The following TBXT variants were observed in gnomAD, a reference collection of about 807,000 sequenced individuals.
TBXT encodes T-box transcription factor T, also known as T brachyury transcription factor.
A neutral mutation model predicts 41.1 loss-of-function variants in TBXT; 19 were observed. That is an observed-to-expected ratio of 0.46 (90% CI 0.32 to 0.68). The LOEUF (loss-of-function observed/expected upper bound fraction) is 0.68. TBXT is among the 30% of genes least tolerant of loss of function. TBXT has a pLI of 0.03. For missense variants in TBXT, 536 were observed against 582.0 expected (o/e 0.92, Z 0.81); for synonymous variants, 213 against 238.9 (o/e 0.89, Z 1.00).
chr6:166,163,753 G>A lies in TBXT; in HGVS notation c.730+852C>T, dbSNP rs555077682. ...AACCCCTAGCGGGACAACTACTGTG[G>A]CTTCAATTTCCAAACTACTAACAAT... On this transcript the variant is annotated intron_variant, in intron 5 of 7. Transcript: ENST00000366876. 1.1e-4 allele frequency among the ~76,000 whole-genome samples: 17 copies of A among 152,328 alleles called. No individual in the cohort carries two copies. The East Asian group carries it at 3.3e-3, about 29-fold the overall frequency.
intron 6 of TBXT, among the ~76,000 whole-genome samples, chr6:166,161,853 G>T (rs1467380342): frequency 6.6e-6 from 1 of 152,226 alleles, no homozygotes; most frequent in South Asian, 2.1e-4. Context: ...AACCCGAGAG[G>T]CGGAGCTTGC....
chr6:166,164,400 T>A (rs1318038895), intron 5 of TBXT, among the ~76,000 whole-genome samples: 1 of 151,882 alleles, frequency 6.6e-6, no homozygotes, highest in Admixed American at 6.6e-5. Context: ...CCCAGGAGAG[T>A]ATCCACAGCC....
In TBXT at chr6:166,157,868, C is replaced by A. The variant is rs1484156876; in HGVS notation, c.*447G>T. On this transcript the variant is annotated 3_prime_UTR_variant, in exon 8 of 8. Coordinates refer to ENST00000366876, the MANE Select transcript of TBXT (RefSeq NM_001366285.2). ...AACTATGATTTTATTCTGTCCTTAA[C>A]AGCTCAACTCTAACTACTTGAAAGC... 1 of 258,902 alleles carries A rather than the reference C, an allele frequency of 3.9e-6. No homozygotes were observed. The highest frequency in any genetic ancestry group is 7.6e-6 in the Non-Finnish European group (1 of 131,532). 16.0% of individuals were successfully genotyped at this position (258,902 alleles called of 1,614,324 possible). A position where few individuals can be genotyped will look rare whatever the true frequency, so the allele number is the denominator to read the frequency against.
At chr6:166,167,915 C>A, upstream of TBXT, 2 of 432,054 alleles carry the variant, frequency 4.6e-6, no homozygotes, top group South Asian at 4.7e-5. Context: ...GGGTGCTCGG[C>A]GGATTGGGCC....
At position 166,167,453 on chromosome 6, in the gene TBXT, C is replaced by A; in HGVS notation, c.139G>T (p.Glu47Ter). ...AAGCGCAGCCACAGCTCGCTCTCCT[C>A]CAGGCCCACGCGCAGTTCGCGCTCT... ...PTERELRVGLEESELWLRFKE... is the reference protein window; with the variant it reads ...PTERELRVGL Residue 47 changes from glutamate (E) to a stop codon, truncating the protein, a stop_gained, in exon 1 of 8, where the codon GAG becomes TAG. Transcript: ENST00000366876. LOFTEE classifies it high-confidence loss of function. 1 of 1,613,056 alleles carries A rather than the reference C, an allele frequency of 6.2e-7. No individual in the cohort carries two copies.
rs774657641 is a variant in TBXT at position 166,158,553 on chromosome 6, G to A, written c.1073C>T (p.Ala358Val). The A allele has an allele frequency of 1.9e-6, 3 of 1,587,482 alleles. No homozygotes were observed. Among genetic ancestry groups the A allele is most frequent in the African/African-American group, 1.3e-5 (1 of 74,598 alleles). The change falls in exon 8 of 8, where the codon GCC becomes GTC. Residue 358 changes from alanine to valine, a missense_variant. Ala to Val is a moderately conservative substitution (Grantham distance 64). Transcript: ENST00000366876. ...YPSLWSVSNG[A>V]VTPGSQAAAV... ...TGCTGCCTGGGAGCCCGGGGTGACG[G>A]CGCCGTTGCTCACAGACCACAGGCT...
Position 166,167,411 on chromosome 6 carries a change from C to G in TBXT, c.181G>C (p.Glu61Gln). Reference protein sequence around the residue: ...LWLRFKELTNEMIVTKNGRRM... With the variant: ...LWLRFKELTNQMIVTKNGRRM... ...CTGCCGTTCTTGGTCACGATCATCT[C>G]ATTGGTGAGCTCCTTGAAGCGCAGC... Residue 61 changes from glutamate (E) to glutamine (Q), a missense_variant, in exon 1 of 8, where the codon GAG becomes CAG. Coordinates refer to ENST00000366876, the MANE Select transcript of TBXT (RefSeq NM_001366285.2). 6.2e-7 allele frequency: 1 copy of G among 1,613,212 alleles called. No homozygotes were observed. The highest frequency in any genetic ancestry group is 8.5e-7 in the Non-Finnish European group (1 of 1,179,936).
At chr6:166,160,634 G>T (rs951322426) in intron 7 of TBXT, among the ~76,000 whole-genome samples, 1 of 152,102 alleles carries the variant, frequency 6.6e-6, no homozygotes, top group Non-Finnish European at 1.5e-5. Context: ...TCCTTCCAGC[G>T]AACAGACTGC....
intron 2 of TBXT, among the ~76,000 whole-genome samples, chr6:166,166,267 G>A (rs1779106489): frequency 6.6e-6 from 1 of 151,960 alleles, no homozygotes; most frequent in South Asian, 2.1e-4. Flanking sequence ...AAGTACTGTG[G>A]CGCATGTTTA....
At chr6:166,167,254 A>T in intron 1 of TBXT, 132 bp downstream of exon 1, 1 of 1,052,234 alleles carries the variant, frequency 9.5e-7, no homozygotes, top group Non-Finnish European at 1.4e-6. Flanking sequence ...CGAGGGAGTT[A>T]ACCAGAGCGG....
Position 166,167,708 on chromosome 6 carries a change from C to T in TBXT, c.-117G>A, listed in dbSNP as rs1461164098. On this transcript the variant is annotated 5_prime_UTR_variant, in exon 1 of 8. Coordinates refer to ENST00000366876, the MANE Select transcript of TBXT (RefSeq NM_001366285.2). ...GAAAAGGGGCCCCTTGGACCGAGAC[C>T]TGCGACGGCTCCCGGGTCCCGGGTC... 4 of 1,361,570 alleles carry T rather than the reference C, an allele frequency of 2.9e-6. No homozygotes were observed. The highest frequency in any genetic ancestry group is 4.0e-6 in the Non-Finnish European group (4 of 996,914). The allele number at this position is 1,361,570 out of a possible 1,614,324, so 84.3% of individuals were successfully genotyped here. A position where few individuals can be genotyped will look rare whatever the true frequency, so the allele number is the denominator to read the frequency against.
In TBXT at chr6:166,164,601, G is replaced by C. The variant is rs569879300; in HGVS notation, c.730+4C>G. The C allele has an allele frequency of 6.2e-7, 1 of 1,613,828 alleles. No homozygotes were observed. Among genetic ancestry groups the C allele is most frequent in the Admixed American group, 1.7e-5 (1 of 60,012 alleles). On this transcript the variant is annotated splice_donor_region_variant and intron_variant, in intron 5 of 7. Transcript: ENST00000366876. ...ATGACATGACAGAGTGCAACAAACC[G>C]TACATTGGGAGTACCCAGGTTGCTG...
At chr6:166,164,581 A>C in intron 5 of TBXT, 24 bp downstream of exon 5, 1 of 1,613,992 alleles carries the variant, frequency 6.2e-7, no homozygotes, top group Non-Finnish European at 8.5e-7. Flanking sequence ...GCAGAATGAC[A>C]TGACAGAGTG....
Position 166,167,523 on chromosome 6 carries a change from G to T in TBXT, c.69C>A (p.Ala23=). 6.2e-7 allele frequency: 1 copy of T among 1,603,744 alleles called. No individual in the cohort carries two copies. ...TGCCCGCCTGCAGCTCATTCTCCAC[G>T]GCGCTCAGCAGGTGGTCCACTCGGT... The part of the protein sequence containing the change: ...LQYRVDHLLS[A]VENELQAGSE... Residue 23 remains alanine (A), a synonymous_variant, in exon 1 of 8, where the codon GCC becomes GCA. Transcript: ENST00000366876.
At chr6:166,160,609 T>G (rs1778923705) in intron 7 of TBXT, among the ~76,000 whole-genome samples, 1 of 152,052 alleles carries the variant, frequency 6.6e-6, no homozygotes, top group Non-Finnish European at 1.5e-5. Context: ...ACACCTGGGT[T>G]GTAAAGGAGC....
In TBXT at chr6:166,165,853, G is replaced by C; in HGVS notation, c.472-13C>G. 1 of 1,614,140 alleles carries C rather than the reference G, an allele frequency of 6.2e-7. No homozygotes were observed. The highest frequency in any genetic ancestry group is 8.5e-7 in the Non-Finnish European group (1 of 1,180,004). ...AGTTCAGCATGATCTGAGGGAGACA[G>C]ATACAGGATTGGTGGCACTGAAAGG... is the stretch of plus-strand genomic sequence containing the variant. On this transcript the variant is annotated splice_polypyrimidine_tract_variant and intron_variant, in intron 2 of 7. Transcript: ENST00000366876.
intron 7 of TBXT, 68 bp downstream of exon 7, chr6:166,160,769 T>C: frequency 1.2e-6 from 2 of 1,606,354 alleles, no homozygotes. Flanking sequence ...CCTATGGGAA[T>C]GGAAACAGCG....
intron 7 of TBXT, among the ~76,000 whole-genome samples, chr6:166,160,039 G>A (rs139128860): frequency 2.2e-4 from 33 of 152,320 alleles, no homozygotes; most frequent in Non-Finnish European, 2.2e-4. Flanking sequence ...AAAATGAAGT[G>A]CATTGCCTTT....
Position 166,165,858 on chromosome 6 carries a change from A to T in TBXT, c.472-18T>A. On this transcript the variant is annotated intron_variant, in intron 2 of 7. Coordinates refer to ENST00000366876, the MANE Select transcript of TBXT (RefSeq NM_001366285.2). ...AGCATGATCTGAGGGAGACAGATAC[A>T]GGATTGGTGGCACTGAAAGGCCTGC... 6.2e-7 allele frequency: 1 copy of T among 1,614,100 alleles called. No homozygotes were observed. The highest frequency in any genetic ancestry group is 1.3e-5 in the African/African-American group (1 of 75,054).
Sources: gnomAD v4.1 joint callset for allele counts (sites outside exome capture counted in the v4.1 genomes callset) on GRCh38, gnomAD v4.1.1 for gene constraint, MANE v1.5 for transcripts, NCBI Gene and HGNC (gene_info 2026-07-23, HGNC 2026-07-21) for gene names.